POF1B: variants seen among roughly 807,000 people sequenced by gnomAD.
The protein encoded by POF1B is POF1B actin binding protein.
POF1B carries 53 observed loss-of-function variants against 55.3 expected under a neutral mutation model. The ratio of observed to expected loss-of-function variants is 0.96; its 90% CI spans 0.77 to 1.20. POF1B has a LOEUF of 1.20. Ranked by LOEUF, POF1B falls within the 50% of genes most tolerant of loss-of-function variation. The pLI is 0.00. For missense variants in POF1B, 478 were observed against 420.5 expected (o/e 1.14, Z -1.20); for synonymous variants, 188 against 148.3 (o/e 1.27, Z -1.95).
chrX:85,335,285 C>G (rs189157113), intron 6 of POF1B, among the ~76,000 whole-genome samples: 1 of 111,302 alleles, frequency 9.0e-6, no homozygotes, highest in Non-Finnish European at 1.9e-5. Flanking sequence ...TGCTGCATGG[C>G]AATGGAAAAC....
intron 7 of POF1B, among the ~76,000 whole-genome samples, chrX:85,325,014 A>C (rs1932882349): frequency 8.9e-6 from 1 of 111,888 alleles, no homozygotes; most frequent in African/African-American, 3.3e-5. Flanking sequence ...TGCTGAATAC[A>C]GGCCCCCATT....
chrX:85,358,792 T>C (rs1023999575), intron 4 of POF1B, among the ~76,000 whole-genome samples: 1 of 111,040 alleles, frequency 9.0e-6, no homozygotes, highest in African/African-American at 3.3e-5. Flanking sequence ...GTAATTAAAC[T>C]AGAATCTTCT....
intron 3 of POF1B, 115 bp from the exon 4 acceptor site, chrX:85,359,745 A>G (rs1410747233): frequency 4.3e-6 from 2 of 463,879 alleles, no homozygotes; most frequent in Admixed American, 4.2e-5. Flanking sequence ...TGCATGAATG[A>G]TAATGTATGA....
Position 85,330,953 on chromosome X carries a change from C to T in POF1B, c.850G>A (p.Gly284Arg). Residue 284 changes from glycine (G) to arginine (R), a missense_variant, in exon 7 of 17, where the codon GGA (glycine) becomes AGA (arginine). Physicochemically the swap from Gly to Arg is moderately radical, Grantham distance 125. Transcript: ENST00000262753. Reference sequence around the variant, plus strand: ...CAAATAATATGTTTACAGTACCTTCCTCCAATTCTCTGCAAATGTTCTAAT... The same window carrying T: ...CAAATAATATGTTTACAGTACCTTCTTCCAATTCTCTGCAAATGTTCTAAT... Reference protein sequence around the residue: ...CLLEHLQRIGGSKQDFESTDE... With the variant: ...CLLEHLQRIGRSKQDFESTDE... 1 of 1,181,306 alleles carries T rather than the reference C, an allele frequency of 8.5e-7. No homozygotes were observed. Among genetic ancestry groups the T allele is most frequent in the Non-Finnish European group, 1.1e-6 (1 of 881,015 alleles).
At chrX:85,349,291 T>A (rs1248116112) in intron 5 of POF1B, among the ~76,000 whole-genome samples, 1 of 111,312 alleles carries the variant, frequency 9.0e-6, no homozygotes, top group Non-Finnish European at 1.9e-5. Flanking sequence ...ATAAAATGAG[T>A]TCTTATGCCA....
At chrX:85,293,843 G>T (rs1254337566) in intron 15 of POF1B, among the ~76,000 whole-genome samples, 2 of 110,011 alleles carry the variant, frequency 1.8e-5, no homozygotes, top group African/African-American at 6.6e-5. Context: ...GAGTGGTGGT[G>T]CATGCCTGTA....
chrX:85,365,361 G>A (rs1355345313), intron 3 of POF1B, among the ~76,000 whole-genome samples: 2 of 111,719 alleles, frequency 1.8e-5, no homozygotes, highest in African/African-American at 6.5e-5. Context: ...TTCTTGCATT[G>A]GTTCTTTCTT....
chrX:85,299,539 C>T (rs1287250511), intron 15 of POF1B, among the ~76,000 whole-genome samples: 1 of 105,147 alleles, frequency 9.5e-6, no homozygotes, highest in Non-Finnish European at 1.9e-5. Flanking sequence ...CCGCCCGCCT[C>T]GGCCTCCCAA....
At chrX:85,336,041 C>A (rs977744458) in intron 6 of POF1B, among the ~76,000 whole-genome samples, 1 of 110,513 alleles carries the variant, frequency 9.0e-6, no homozygotes, top group Non-Finnish European at 1.9e-5. Flanking sequence ...CCATACTCTA[C>A]TCTCTATCTC....
rs147016035 is a variant in POF1B at position 85,330,996 on chromosome X, C to T, written c.807G>A (p.Thr269=). Residue 269 remains threonine (T), a synonymous_variant, in exon 7 of 17, where the codon ACG becomes ACA. Coordinates refer to ENST00000262753, the MANE Select transcript of POF1B (RefSeq NM_024921.4). ...ELLADLSRKN[T]DLYHCLLEHL... is the part of the protein sequence containing the mutation. ...GTTCTAATAAGCAGTGATATAGATCCGTATTCTTACGGCTCAGATCAGCAA... is the reference window on the plus strand; with the variant it reads ...GTTCTAATAAGCAGTGATATAGATCTGTATTCTTACGGCTCAGATCAGCAA... The T allele has an allele frequency of 8.3e-6, 10 of 1,201,535 alleles. No homozygotes were observed. The African/African-American group carries it at 1.6e-4, about 19-fold the overall frequency.
At chrX:85,282,673 G>A (rs1275591354) in intron 15 of POF1B, among the ~76,000 whole-genome samples, 1 of 110,575 alleles carries the variant, frequency 9.0e-6, no homozygotes, top group Non-Finnish European at 1.9e-5. Context: ...AAGCTAAACA[G>A]ATCCCAGCAG....
rs745428694 is a variant in POF1B at position 85,379,388 on chromosome X, G to A, written c.67C>T (p.Leu23=). 8.3e-7 allele frequency: 1 copy of A among 1,210,052 alleles called. No individual in the cohort carries two copies. Among genetic ancestry groups the A allele is most frequent in the Non-Finnish European group, 1.1e-6 (1 of 894,991 alleles). The part of the protein sequence containing the change: ...SCGTQQLPEV[L]QCQPQHYHCY... Reference sequence around the variant, plus strand: ...TGGTAATGCTGGGGCTGGCACTGCAGCACCTCTGGGAGCTGCTGGGTTCCA... The same window carrying A: ...TGGTAATGCTGGGGCTGGCACTGCAACACCTCTGGGAGCTGCTGGGTTCCA... The change falls in exon 2 of 17, where the codon CTG becomes TTG. Residue 23 remains leucine, a synonymous_variant. Transcript: ENST00000262753.
intron 6 of POF1B, among the ~76,000 whole-genome samples, chrX:85,336,352 C>T (rs1266898410): frequency 4.5e-5 from 5 of 110,671 alleles, no homozygotes; most frequent in African/African-American, 1.6e-4. Context: ...CATATGGTAG[C>T]TCTATTTTTA....
intron 7 of POF1B, among the ~76,000 whole-genome samples, chrX:85,320,641 T>G (rs1454275581): frequency 9.0e-6 from 1 of 111,290 alleles, no homozygotes; most frequent in African/African-American, 3.3e-5. Context: ...CAAAAATTAA[T>G]GAATCCAGGA....
chrX:85,282,873 T>C (rs1279876585), intron 15 of POF1B, among the ~76,000 whole-genome samples: 1 of 110,414 alleles, frequency 9.1e-6, no homozygotes, highest in Non-Finnish European at 1.9e-5. Context: ...TACCAAGACT[T>C]AGGAAATAAT....
In POF1B at chrX:85,306,262, T is replaced by G; in HGVS notation, c.1236A>C (p.Leu412=). Residue 412 remains leucine (L), a synonymous_variant, in exon 12 of 17, where the codon CTA becomes CTC. Transcript: ENST00000262753. ...CTTTTAGTCTGTATTCCATGTCTGA[T>G]AGTGTATGTCGAAGAGAGAGATTGT... The part of the protein sequence containing the change: ...EENNLSLRHT[L]SDMEYRLKEL... The G allele has an allele frequency of 5.8e-6, 7 of 1,206,598 alleles. No individual in the cohort carries two copies. The highest frequency in any genetic ancestry group is 7.9e-6 in the Non-Finnish European group (7 of 890,962).
rs143036003 is a variant in POF1B, at chrX:85,330,333, A to G, written c.854+616T>C. On this transcript the variant is annotated intron_variant, in intron 7 of 16. Transcript: ENST00000262753. ...AATTTAATGTAATAGATAATAATATACAAAGTTTATATATAATATGTGACA... is the reference window on the plus strand; with the variant it reads ...AATTTAATGTAATAGATAATAATATGCAAAGTTTATATATAATATGTGACA... 6.9e-3 allele frequency among the ~76,000 whole-genome samples: 765 copies of G among 111,384 alleles called. 5 individuals are homozygous for G. Among genetic ancestry groups the G allele is most frequent in the Non-Finnish European group, 0.012 (644 of 53,054 alleles).
intron 6 of POF1B, among the ~76,000 whole-genome samples, chrX:85,340,366 G>T (rs924129221): frequency 9.0e-6 from 1 of 111,010 alleles, no homozygotes; most frequent in African/African-American, 3.3e-5. Flanking sequence ...TGCTGAACTG[G>T]CTGACAATGG....
chrX:85,361,409 G>A (rs1027580797), intron 3 of POF1B, among the ~76,000 whole-genome samples: 1 of 111,832 alleles, frequency 8.9e-6, no homozygotes, highest in African/African-American at 3.3e-5. Flanking sequence ...AAGGGGTCCA[G>A]TTTCAATCTT....
Sources: allele counts gnomAD v4.1 joint callset (sites outside exome capture counted in the v4.1 genomes callset), GRCh38; gene constraint gnomAD v4.1.1; transcripts MANE v1.5; gene names NCBI Gene and HGNC (gene_info 2026-07-23, HGNC 2026-07-21).